The following PTPRR variants were observed in gnomAD, a reference collection of about 807,000 sequenced individuals.
PTPRR encodes the protein protein tyrosine phosphatase receptor type R.
Under a neutral mutation model 77.2 loss-of-function variants are expected in PTPRR, and 38 were observed. The observed-to-expected ratio is 0.49, with a 90% CI of 0.38 to 0.65. The LOEUF is 0.65. PTPRR is among the 30% of genes least tolerant of loss of function. The pLI is 0.00. For synonymous variants in PTPRR, 299 were observed against 283.1 expected (o/e 1.06, Z -0.57); for missense variants, 744 against 799.2 (o/e 0.93, Z 0.83).
At chr12:70,873,957 G>A (rs1034173476) in intron 2 of PTPRR, among the ~76,000 whole-genome samples, 22 of 152,126 alleles carry the variant, frequency 1.4e-4, no homozygotes, top group African/African-American at 5.1e-4. Context: ...CTAAGCTGAT[G>A]ATTTTAGGTT....
intron 2 of PTPRR, among the ~76,000 whole-genome samples, chr12:70,854,393 G>A (rs1592794357): frequency 6.6e-6 from 1 of 152,180 alleles, no homozygotes; most frequent in East Asian, 1.9e-4. Context: ...ACTTCATGAG[G>A]TCACTCTATG....
At chr12:70,777,959 A>G (rs911894716) in intron 2 of PTPRR, among the ~76,000 whole-genome samples, 2 of 152,242 alleles carry the variant, frequency 1.3e-5, no homozygotes, top group African/African-American at 2.4e-5. Flanking sequence ...AGTGATAGTT[A>G]TATATTCAAA....
chr12:70,726,989 G>A (rs1431379327), intron 6 of PTPRR, among the ~76,000 whole-genome samples: 3 of 151,996 alleles, frequency 2.0e-5, no homozygotes, highest in African/African-American at 7.2e-5. Context: ...AAGGGGGAAA[G>A]TGGAATAAGC....
intron 2 of PTPRR, among the ~76,000 whole-genome samples, chr12:70,773,314 G>A (rs758864380): frequency 1.3e-5 from 2 of 152,138 alleles, no homozygotes; most frequent in Admixed American, 1.3e-4. Context: ...GGTGAGGTGG[G>A]ATGTAATTCC....
chr12:70,791,066 C>T (rs1024209968), intron 2 of PTPRR, among the ~76,000 whole-genome samples: 2 of 152,154 alleles, frequency 1.3e-5, no homozygotes, highest in Non-Finnish European at 2.9e-5. Context: ...TTCCACTCTG[C>T]TTTTATTGTT....
chr12:70,675,441 A>T (rs1342668140), intron 10 of PTPRR, among the ~76,000 whole-genome samples: 1 of 151,884 alleles, frequency 6.6e-6, no homozygotes, highest in Non-Finnish European at 1.5e-5. Flanking sequence ...ATACATTCTA[A>T]TTCCATCCTT....
intron 2 of PTPRR, among the ~76,000 whole-genome samples, chr12:70,856,694 C>T (rs561722036): frequency 6.6e-6 from 1 of 151,896 alleles, no homozygotes; most frequent in Non-Finnish European, 1.5e-5. Flanking sequence ...AATTATTAGT[C>T]CTTAATTATT....
chr12:70,859,811 T>C (rs1404137363), intron 2 of PTPRR, among the ~76,000 whole-genome samples: 2 of 152,024 alleles, frequency 1.3e-5, no homozygotes, highest in Non-Finnish European at 2.9e-5. Flanking sequence ...TTTATCATTC[T>C]AATGGAAAAA....
intron 2 of PTPRR, among the ~76,000 whole-genome samples, chr12:70,765,646 T>C (rs1890800879): frequency 6.6e-6 from 1 of 152,174 alleles, no homozygotes; most frequent in Admixed American, 6.5e-5. Flanking sequence ...TCTGAGAGCT[T>C]TGAAGAGAGC....
At chr12:70,776,897 C>T (rs938066690) in intron 2 of PTPRR, among the ~76,000 whole-genome samples, 1 of 152,044 alleles carries the variant, frequency 6.6e-6, no homozygotes, top group Non-Finnish European at 1.5e-5. Context: ...CTTATTACAA[C>T]AAAATTTAAG....
intron 5 of PTPRR, among the ~76,000 whole-genome samples, chr12:70,747,761 A>G (rs1890259717): frequency 6.6e-6 from 1 of 152,156 alleles, no homozygotes; most frequent in Non-Finnish European, 1.5e-5. Context: ...CTACATCTTT[A>G]ATTAGGGAAA....
At chr12:70,755,681 T>G (rs1356450161) in intron 4 of PTPRR, among the ~76,000 whole-genome samples, 4 of 152,144 alleles carry the variant, frequency 2.6e-5, no homozygotes, top group African/African-American at 9.7e-5. Context: ...CATAGATAGA[T>G]GCATAGATAC....
intron 6 of PTPRR, among the ~76,000 whole-genome samples, chr12:70,702,962 C>T (rs1414479683): frequency 6.6e-6 from 1 of 151,634 alleles, no homozygotes; most frequent in Non-Finnish European, 1.5e-5. Context: ...CACATATATA[C>T]ATATATATCA....
chr12:70,910,078 A>G lies in PTPRR; in HGVS notation c.58+10255T>C, dbSNP rs528988279. ...ATTTTTTTTAATAGGTCAATAGTCA[A>G]TGTGCACCATTTTTCTTTTTATATT... On this transcript the variant is annotated intron_variant, in intron 1 of 13. Transcript: ENST00000283228. 1.2e-3 allele frequency among the ~76,000 whole-genome samples: 181 copies of G among 152,222 alleles called. 1 individual carries two copies. The highest frequency in any genetic ancestry group is 3.8e-3 in the African/African-American group (157 of 41,534).
chr12:70,701,362 C>T, intron 6 of PTPRR, 39 bp from the exon 7 acceptor site: 2 of 1,575,574 alleles, frequency 1.3e-6, no homozygotes, highest in Non-Finnish European at 1.7e-6. Flanking sequence ...ACACCACATA[C>T]TTATTTTGAT....
At chr12:70,680,843 T>A (rs7315114) in intron 10 of PTPRR, among the ~76,000 whole-genome samples, 1 of 152,098 alleles carries the variant, frequency 6.6e-6, no homozygotes. Flanking sequence ...TCCTTAGAAG[T>A]AGTGCACCCA....
At chr12:70,672,662 C>T in intron 10 of PTPRR, 1 of 1,546,224 alleles carries the variant, frequency 6.5e-7, no homozygotes, top group Non-Finnish European at 8.8e-7. Context: ...AGCAACAACA[C>T]CAACCAGATG....
chr12:70,895,952 A>G (rs984331061), intron 1 of PTPRR, among the ~76,000 whole-genome samples: 1 of 151,678 alleles, frequency 6.6e-6, no homozygotes, highest in African/African-American at 2.4e-5. Context: ...TCTCCTATCA[A>G]TACCTGACCC....
At chr12:70,682,107 G>T (rs1267470662) in intron 10 of PTPRR, among the ~76,000 whole-genome samples, 1 of 128,126 alleles carries the variant, frequency 7.8e-6, no homozygotes, top group Non-Finnish European at 1.6e-5. Context: ...GCAGTGGCGC[G>T]ATCTCGGCTC....
Sources: allele counts gnomAD v4.1 joint callset (sites outside exome capture counted in the v4.1 genomes callset), GRCh38; gene constraint gnomAD v4.1.1; transcripts MANE v1.5; gene names NCBI Gene and HGNC (gene_info 2026-07-23, HGNC 2026-07-21).